HDAC9: variants seen among roughly 807,000 people sequenced by gnomAD.
HDAC9 encodes the protein histone deacetylase 9.
Under a neutral mutation model 139.4 loss-of-function variants are expected in HDAC9, and 41 were observed. That is an observed-to-expected ratio of 0.29 (90% CI 0.23 to 0.38). The LOEUF is 0.38. Ranked by LOEUF, HDAC9 falls within the 10% of genes least tolerant of loss-of-function variation. The probability of loss-of-function intolerance (pLI) is 1.00; values close to 1 mark genes in which losing one functional copy is unlikely to be tolerated. For missense variants in HDAC9, 1,147 were observed against 1,297.0 expected (o/e 0.88, Z 1.78); for synonymous variants, 517 against 476.2 (o/e 1.09, Z -1.12).
chr7:18,764,429 G>A (rs368402953), intron 15 of HDAC9, among the ~76,000 whole-genome samples: 1 of 152,066 alleles, frequency 6.6e-6, no homozygotes, highest in Admixed American at 6.6e-5. Flanking sequence ...ATTCTATCAG[G>A]CCTTAAGGTC....
chr7:18,598,875 A>G (rs1458355827), intron 6 of HDAC9, among the ~76,000 whole-genome samples: 1 of 152,228 alleles, frequency 6.6e-6, no homozygotes, highest in Non-Finnish European at 1.5e-5. Context: ...CTGGTATTTC[A>G]GAGCTCACTA....
intron 21 of HDAC9, among the ~76,000 whole-genome samples, chr7:18,856,625 G>A (rs887981533): frequency 6.6e-6 from 1 of 152,112 alleles, no homozygotes; most frequent in Non-Finnish European, 1.5e-5. Context: ...CATTACAAAT[G>A]TGCAAATGCA....
chr7:18,491,622 CT>C (rs1345209026), upstream of HDAC9, among the ~76,000 whole-genome samples: 7 of 151,964 alleles, frequency 4.6e-5, no homozygotes, highest in African/African-American at 1.7e-4. Flanking sequence ...CAAAATCTTT[CT>C]TTCATTTATT....
At chr7:18,253,412 C>G (rs1795048182) in intron 2 of HDAC9, among the ~76,000 whole-genome samples, 2 of 152,090 alleles carry the variant, frequency 1.3e-5, no homozygotes, top group Admixed American at 1.3e-4. Flanking sequence ...GTTGCCAACA[C>G]TTGTTATTTT....
intron 2 of HDAC9, among the ~76,000 whole-genome samples, chr7:18,531,983 T>G (rs2128237738): frequency 6.6e-6 from 1 of 152,356 alleles, no homozygotes; most frequent in Admixed American, 6.5e-5. Context: ...GCACAGTGGC[T>G]CAAGCCTGTA....
At chr7:18,205,797 G>A (rs1474954574) in intron 2 of HDAC9, among the ~76,000 whole-genome samples, 1 of 151,976 alleles carries the variant, frequency 6.6e-6, no homozygotes, top group Non-Finnish European at 1.5e-5. Context: ...GCATCTTATG[G>A]ATATTATTTG....
At chr7:18,980,928 A>G (rs567671336) in intron 25 of HDAC9, among the ~76,000 whole-genome samples, 16 of 151,878 alleles carry the variant, frequency 1.1e-4, no homozygotes, top group Non-Finnish European at 1.9e-4. Flanking sequence ...GGTTCAAGCA[A>G]TTCTCTTGCC....
At chr7:18,110,193 T>A (rs1013186037) in intron 1 of HDAC9, among the ~76,000 whole-genome samples, 1 of 152,218 alleles carries the variant, frequency 6.6e-6, no homozygotes, top group Non-Finnish European at 1.5e-5. Context: ...GGTTTGTCTT[T>A]TTATAGTCAT....
chr7:18,802,341 C>T (rs1793369655), intron 17 of HDAC9, among the ~76,000 whole-genome samples: 2 of 151,752 alleles, frequency 1.3e-5, no homozygotes, highest in Admixed American at 1.3e-4. Context: ...TTGTTATTGA[C>T]TCAATTTAAA....
chr7:18,741,459 A>T (rs1232030200), intron 13 of HDAC9, among the ~76,000 whole-genome samples: 1 of 152,154 alleles, frequency 6.6e-6, no homozygotes, highest in Non-Finnish European at 1.5e-5. Flanking sequence ...TGAGGATTTT[A>T]AGCTCAATTT....
At chr7:18,808,353 G>C (rs1015088765) in intron 17 of HDAC9, 2 of 152,112 alleles carry the variant, frequency 1.3e-5, no homozygotes, top group African/African-American at 4.8e-5. Context: ...AGAAGTGAAA[G>C]GCATCCAAAT....
chr7:18,796,449 T>C (rs1258447624), intron 17 of HDAC9, among the ~76,000 whole-genome samples: 1 of 152,224 alleles, frequency 6.6e-6, no homozygotes, highest in Non-Finnish European at 1.5e-5. Flanking sequence ...AATGCTTAAA[T>C]AGAACATGTG....
At chr7:18,254,464 T>A (rs187270019) in intron 2 of HDAC9, among the ~76,000 whole-genome samples, 1 of 152,350 alleles carries the variant, frequency 6.6e-6, no homozygotes, top group Admixed American at 6.5e-5. Flanking sequence ...CTAAACAAGT[T>A]TTCTTTCAGG....
At chr7:18,381,806 G>A (rs984443583) in intron 1 of HDAC9, among the ~76,000 whole-genome samples, 1 of 152,074 alleles carries the variant, frequency 6.6e-6, no homozygotes, top group African/African-American at 2.4e-5. Context: ...TTATTTCAGG[G>A]TTTGGCAGTA....
intron 2 of HDAC9, among the ~76,000 whole-genome samples, chr7:18,524,921 A>G (rs1806324681): frequency 6.6e-6 from 1 of 151,970 alleles, no homozygotes; most frequent in African/African-American, 2.4e-5. Context: ...AAGTATATAT[A>G]TGGAAAAATA....
intron 1 of HDAC9, among the ~76,000 whole-genome samples, chr7:18,128,994 C>T (rs947726301): frequency 1.1e-4 from 16 of 152,082 alleles, no homozygotes; most frequent in African/African-American, 3.1e-4. Flanking sequence ...ATTTCCAGAG[C>T]GCATTTCTCC....
At position 18,467,172 on chromosome 7, in the gene HDAC9, C is replaced by G. The variant is rs1794351953; in HGVS notation, c.-41-29090C>G. On this transcript the variant is annotated intron_variant, in intron 1 of 3. Coordinates refer to the HDAC9 transcript ENST00000413509. Reference sequence around the variant, plus strand: ...CCGTCTTCTTCCCTACTCACACATTCCAAACTTACTGATCTTTCCTCTTTG... The same window carrying G: ...CCGTCTTCTTCCCTACTCACACATTGCAAACTTACTGATCTTTCCTCTTTG... Among the ~76,000 whole-genome samples, 4 of 152,268 alleles carry G rather than the reference C, an allele frequency of 2.6e-5. No individual in the cohort carries two copies. The South Asian group carries it at 8.3e-4, about 32-fold the overall frequency.
At chr7:18,836,037 A>G (rs750513815) in intron 21 of HDAC9, 40 bp downstream of exon 21, 2 of 1,102,484 alleles carry the variant, frequency 1.8e-6, no homozygotes, top group Non-Finnish European at 2.6e-6. Context: ...AAATTGGAAA[A>G]TAAATGTCCA....
At chr7:18,506,325 TTGA>T (rs1799758078) in intron 2 of HDAC9, among the ~76,000 whole-genome samples, 1 of 152,164 alleles carries the variant, frequency 6.6e-6, no homozygotes, top group Non-Finnish European at 1.5e-5. Flanking sequence ...AGGACTCTGG[TTGA>T]TGATGACAAC....
Sources: allele counts gnomAD v4.1 joint callset (sites outside exome capture counted in the v4.1 genomes callset), GRCh38; gene constraint gnomAD v4.1.1; transcripts MANE v1.5; gene names NCBI Gene and HGNC (gene_info 2026-07-23, HGNC 2026-07-21).